DNAAF4: variants seen among roughly 807,000 people sequenced by gnomAD.
DNAAF4 encodes dynein axonemal assembly factor 4, also known as dynein assembly factor 4, axonemal.
DNAAF4 carries 43 observed loss-of-function variants against 51.8 expected under a neutral mutation model. The observed-to-expected ratio is 0.83, with a 90% CI of 0.65 to 1.07. The LOEUF (loss-of-function observed/expected upper bound fraction) is 1.07. Ranked by LOEUF, DNAAF4 falls within the 50% of genes least tolerant of loss-of-function variation. DNAAF4 has a pLI of 0.00. For synonymous variants in DNAAF4, 194 were observed against 165.6 expected (o/e 1.17, Z -1.32); for missense variants, 581 against 493.0 (o/e 1.18, Z -1.69).
chr15:55,476,911 C>T (rs2058342510), intron 4 of DNAAF4, among the ~76,000 whole-genome samples: 1 of 152,162 alleles, frequency 6.6e-6, no homozygotes, highest in South Asian at 2.1e-4. Flanking sequence ...TGGCTCACGC[C>T]TGTAATCCCC....
In DNAAF4 at chr15:55,490,993, A is replaced by G. The variant is rs917267659; in HGVS notation, c.405+130T>C. ...CACACATATAAATAGCAGACAGTCTATATAACATAGTAAGTCCTCTAAACA... is the reference window on the plus strand; with the variant it reads ...CACACATATAAATAGCAGACAGTCTGTATAACATAGTAAGTCCTCTAAACA... On this transcript the variant is annotated intron_variant, in intron 4 of 9. Transcript: ENST00000321149. The G allele has an allele frequency of 6.6e-6, 7 of 1,064,254 alleles. No individual in the cohort carries two copies. In the African/African-American group the frequency reaches 8.0e-5, roughly 12 times the overall value. 65.9% of individuals were successfully genotyped at this position (1,064,254 alleles called of 1,614,324 possible). A position where few individuals can be genotyped will look rare whatever the true frequency, so the allele number is the denominator to read the frequency against.
At chr15:55,457,482 G>A (rs1595915803) in intron 5 of DNAAF4, among the ~76,000 whole-genome samples, 1 of 152,060 alleles carries the variant, frequency 6.6e-6, no homozygotes, top group African/African-American at 2.4e-5. Flanking sequence ...CTGCTCTATG[G>A]CCCTGCCCAT....
At chr15:55,428,724 T>C (rs2057457063), downstream of DNAAF4, among the ~76,000 whole-genome samples, 1 of 150,140 alleles carries the variant, frequency 6.7e-6, no homozygotes, top group African/African-American at 2.4e-5. Context: ...CTCGATCTCC[T>C]GACCTTGTGA....
At chr15:55,465,321 A>T (rs1263950029) in intron 5 of DNAAF4, among the ~76,000 whole-genome samples, 1 of 152,002 alleles carries the variant, frequency 6.6e-6, no homozygotes, top group Non-Finnish European at 1.5e-5. Context: ...GCACAATTGC[A>T]ATTGCAAAAA....
In DNAAF4 at chr15:55,483,833, C is replaced by CTT. The variant is rs71105887; in HGVS notation, c.405+7288_405+7289dup. 5.4e-3 allele frequency among the ~76,000 whole-genome samples: 446 copies of CTT among 82,456 alleles called. 77 individuals are homozygous for CTT. Among genetic ancestry groups the CTT allele is most frequent in the African/African-American group, 8.4e-3 (174 of 20,702 alleles). The allele number at this position is 82,456 out of a possible 152,430, so 54.1% of individuals were successfully genotyped here. A position where few individuals can be genotyped will look rare whatever the true frequency, so the allele number is the denominator to read the frequency against. On this transcript the variant is annotated intron_variant, in intron 4 of 9. Transcript: ENST00000321149. ...GAGCCATCACACCCAGCCAATAAAG[C>CTT]TTTTTTTTTTTTTTTTTTTTTTTTT...
chr15:55,431,646 GT>G (rs1339441308), intron 9 of DNAAF4, among the ~76,000 whole-genome samples: 16 of 151,086 alleles, frequency 1.1e-4, no homozygotes, highest in African/African-American at 3.9e-4. Context: ...GGCTAATTTT[GT>G]TTTTGTATTT....
chr15:55,489,788 G>T lies in DNAAF4; in HGVS notation c.405+1335C>A, dbSNP rs977376674. ...GCTAGTTATGAAAATCCAAAAAACAGTCATGGGTCCACAAAAATCTTAAAT... is the reference window on the plus strand; with the variant it reads ...GCTAGTTATGAAAATCCAAAAAACATTCATGGGTCCACAAAAATCTTAAAT... On this transcript the variant is annotated intron_variant, in intron 4 of 9. Coordinates refer to ENST00000321149, the MANE Select transcript of DNAAF4 (RefSeq NM_130810.4). 1.3e-5 allele frequency among the ~76,000 whole-genome samples: 2 copies of T among 150,952 alleles called. 1 individual carries two copies. The highest frequency in any genetic ancestry group is 2.9e-5 in the Non-Finnish European group (2 of 67,870).
intron 4 of DNAAF4, among the ~76,000 whole-genome samples, chr15:55,481,265 A>G (rs1293807623): frequency 6.6e-6 from 1 of 152,172 alleles, no homozygotes; most frequent in African/African-American, 2.4e-5. Flanking sequence ...CACTGTTTTC[A>G]TATCAACCAA....
intron 8 of DNAAF4, 31 bp from the exon 9 acceptor site, chr15:55,432,633 AG>A: frequency 6.4e-7 from 1 of 1,562,146 alleles, no homozygotes; most frequent in Non-Finnish European, 8.7e-7. Flanking sequence ...ATTACAAGAA[AG>A]TTATAGTTTC....
At chr15:55,478,789 T>C (rs547131468) in intron 4 of DNAAF4, among the ~76,000 whole-genome samples, 3 of 152,178 alleles carry the variant, frequency 2.0e-5, no homozygotes, top group Non-Finnish European at 4.4e-5. Flanking sequence ...TTTCTGGAGT[T>C]GCATCCCCTC....
At chr15:55,507,242 A>G (rs1462190160) in intron 1 of DNAAF4, among the ~76,000 whole-genome samples, 2 of 152,172 alleles carry the variant, frequency 1.3e-5, no homozygotes, top group Non-Finnish European at 2.9e-5. Context: ...TCTACTTACA[A>G]TGTGGTTACC....
chr15:55,446,301 G>GGAGGGGGA (rs555771971), intron 6 of DNAAF4, among the ~76,000 whole-genome samples: 1 of 66,886 alleles, frequency 1.5e-5, no homozygotes, highest in African/African-American at 6.4e-5. Flanking sequence ...CCAGACGGGG[G>GGAGGGGGA]GGGGGGGCAG....
intron 4 of DNAAF4, among the ~76,000 whole-genome samples, chr15:55,469,303 C>T (rs1458264446): frequency 1.3e-5 from 2 of 150,394 alleles, no homozygotes; most frequent in Admixed American, 6.7e-5. Flanking sequence ...GCACTCAAAC[C>T]TGGGGGACAA....
intron 7 of DNAAF4, among the ~76,000 whole-genome samples, chr15:55,438,494 T>C (rs1312075184): frequency 1.3e-5 from 2 of 151,336 alleles, no homozygotes; most frequent in Non-Finnish European, 2.9e-5. Context: ...GAAATGGATT[T>C]GAATAGGTCC....
rs181624472 is a variant in DNAAF4 at position 55,420,540 on chromosome 15, T to C, written c.1048-2407A>G. On this transcript the variant is annotated intron_variant, in intron 7 of 7. Transcript: ENST00000448430. ...AGTTGAATCTTCTAATCATAAAATT[T>C]GCTTGATGTAAGGAAACAGCTCAAA... 3.8e-3 allele frequency among the ~76,000 whole-genome samples: 583 copies of C among 152,332 alleles called. 5 individuals carry two copies. The highest frequency in any genetic ancestry group is 6.8e-3 in the Middle Eastern group (2 of 294).
chr15:55,465,721 C>A (rs1021468082), intron 5 of DNAAF4, among the ~76,000 whole-genome samples: 1 of 152,016 alleles, frequency 6.6e-6, no homozygotes, highest in Non-Finnish European at 1.5e-5. Flanking sequence ...TATGTGCCAC[C>A]ACACCTGGTT....
intron 6 of DNAAF4, chr15:55,443,257 A>G: frequency 6.3e-7 from 1 of 1,598,064 alleles, no homozygotes; most frequent in African/African-American, 1.3e-5. Context: ...AAATGACCTC[A>G]GCGCGGGTTG....
At chr15:55,446,070 GGGT>G (rs2057801568) in intron 6 of DNAAF4, among the ~76,000 whole-genome samples, 4 of 120,098 alleles carry the variant, frequency 3.3e-5, no homozygotes, top group East Asian at 2.8e-4. Context: ...TTCCCAGATG[GGGT>G]GGCGGCCGGG....
At chr15:55,467,331 A>G (rs557162810) in intron 4 of DNAAF4, among the ~76,000 whole-genome samples, 170 bp from the exon 5 acceptor site, 1 of 152,280 alleles carries the variant, frequency 6.6e-6, no homozygotes, top group South Asian at 2.1e-4. Context: ...TAAATGATTC[A>G]GGAGAAAAAC....
Sources: gnomAD v4.1 joint callset for allele counts (sites outside exome capture counted in the v4.1 genomes callset) on GRCh38, gnomAD v4.1.1 for gene constraint, MANE v1.5 for transcripts, NCBI Gene and HGNC (gene_info 2026-07-23, HGNC 2026-07-21) for gene names.